The following ATP9B variants were observed in gnomAD, a reference collection of about 807,000 sequenced individuals.
ATP9B encodes the protein probable phospholipid-transporting ATPase IIB.
ATP9B carries 110 observed loss-of-function variants against 146.1 expected under a neutral mutation model. That is an observed-to-expected ratio of 0.75 (90% CI 0.65 to 0.88). The LOEUF is 0.88. Ranked by LOEUF, ATP9B falls within the 40% of genes least tolerant of loss-of-function variation. The probability of loss-of-function intolerance (pLI) is 0.00; values close to 1 mark genes in which losing one functional copy is unlikely to be tolerated. For synonymous variants in ATP9B, 604 were observed against 569.7 expected (o/e 1.06, Z -0.86); for missense variants, 1,499 against 1,496.4 (o/e 1.00, Z -0.03).
intron 26 of ATP9B, among the ~76,000 whole-genome samples, chr18:79,371,326 C>T (rs1017288635): frequency 3.0e-5 from 4 of 134,540 alleles, no homozygotes; most frequent in Admixed American, 8.2e-5. Context: ...GAGCCAAGAT[C>T]GTGCCATTGC....
At chr18:79,084,346 G>C (rs2073600317) in intron 1 of ATP9B, among the ~76,000 whole-genome samples, 1 of 151,888 alleles carries the variant, frequency 6.6e-6, no homozygotes, top group South Asian at 2.1e-4. Context: ...CATATCTATA[G>C]AGTTTTTTCA....
At chr18:79,162,467 A>G (rs979304768) in intron 7 of ATP9B, among the ~76,000 whole-genome samples, 1 of 152,222 alleles carries the variant, frequency 6.6e-6, no homozygotes, top group African/African-American at 2.4e-5. Context: ...CTTTAGAACT[A>G]ATTTTCATCA....
intron 1 of ATP9B, among the ~76,000 whole-genome samples, chr18:79,078,872 T>C (rs937754931): frequency 2.6e-5 from 4 of 152,218 alleles, no homozygotes; most frequent in African/African-American, 4.8e-5. Context: ...CCATGTGTTC[T>C]CATTGTTCAA....
At chr18:79,299,456 G>T (rs1568613134) in intron 13 of ATP9B, among the ~76,000 whole-genome samples, 1 of 152,122 alleles carries the variant, frequency 6.6e-6, no homozygotes, top group Non-Finnish European at 1.5e-5. Context: ...CAAGTCACAG[G>T]TCAGATGCCA....
intron 13 of ATP9B, among the ~76,000 whole-genome samples, chr18:79,278,717 G>A (rs938439637): frequency 6.6e-6 from 1 of 152,074 alleles, no homozygotes; most frequent in Non-Finnish European, 1.5e-5. Context: ...GGCCAAGAGA[G>A]CAATGTTTAT....
chr18:79,256,577 T>C (rs1042733039), intron 12 of ATP9B, among the ~76,000 whole-genome samples: 18 of 151,836 alleles, frequency 1.2e-4, no homozygotes, highest in African/African-American at 4.1e-4. Flanking sequence ...CCTATATTTC[T>C]ATTATTGTGG....
rs190849808 is a variant in ATP9B at position 79,119,782 on chromosome 18, A to G, written c.558+6428A>G. ...CTACCTTTCAGATAACAAATGATGA[A>G]TAGTATGCTTTCTCTGTTTATATGC... On this transcript the variant is annotated intron_variant, in intron 4 of 29. Transcript: ENST00000426216. 1.1e-3 allele frequency among the ~76,000 whole-genome samples: 160 copies of G among 152,316 alleles called. 1 individual carries two copies. Among genetic ancestry groups the G allele is most frequent in the African/African-American group, 3.8e-3 (160 of 41,574 alleles).
intron 7 of ATP9B, among the ~76,000 whole-genome samples, chr18:79,175,837 T>C (rs1312173357): frequency 2.6e-5 from 4 of 152,048 alleles, no homozygotes; most frequent in African/African-American, 4.8e-5. Flanking sequence ...CACACACATA[T>C]ACATGCACAC....
chr18:79,243,445 G>A (rs28474069), intron 11 of ATP9B, among the ~76,000 whole-genome samples: 1 of 152,154 alleles, frequency 6.6e-6, no homozygotes, highest in African/African-American at 2.4e-5. Flanking sequence ...TTACATAGTG[G>A]TAGGTGCCAG....
At chr18:79,231,173 G>A (rs1169097515) in intron 11 of ATP9B, among the ~76,000 whole-genome samples, 2 of 152,140 alleles carry the variant, frequency 1.3e-5, no homozygotes, top group African/African-American at 2.4e-5. Context: ...AAAAGCTTCT[G>A]CACAGCAAAA....
chr18:79,301,685 T>A (rs2096591706), intron 13 of ATP9B, among the ~76,000 whole-genome samples: 1 of 152,226 alleles, frequency 6.6e-6, no homozygotes, highest in African/African-American at 2.4e-5. Flanking sequence ...CACTTAGATT[T>A]ATGAAACTTG....
intron 13 of ATP9B, among the ~76,000 whole-genome samples, chr18:79,288,655 T>C (rs961295377): frequency 6.6e-6 from 1 of 152,218 alleles, no homozygotes; most frequent in Non-Finnish European, 1.5e-5. Context: ...GATCCTGTTA[T>C]TATGATGTTA....
At chr18:79,293,745 CTG>C (rs1438157385) in intron 13 of ATP9B, among the ~76,000 whole-genome samples, 1 of 152,132 alleles carries the variant, frequency 6.6e-6, no homozygotes, top group Non-Finnish European at 1.5e-5. Context: ...AATTAAGTAA[CTG>C]AATAAGACTT....
At chr18:79,328,567 G>T (rs1476121760) in intron 15 of ATP9B, among the ~76,000 whole-genome samples, 1 of 152,184 alleles carries the variant, frequency 6.6e-6, no homozygotes, top group South Asian at 2.1e-4. Flanking sequence ...GGCCACAGGA[G>T]TTCCGACTTT....
chr18:79,329,137 G>T lies in ATP9B; in HGVS notation c.1774-4G>T, dbSNP rs758830429. 6.3e-7 allele frequency: 1 copy of T among 1,579,452 alleles called. No homozygotes were observed. The highest frequency in any genetic ancestry group is 8.6e-7 in the Non-Finnish European group (1 of 1,162,630). Reference sequence around the variant, plus strand: ...TGGCCTCAGTTGTTGCTGGTCTCCCGTAGGTCGCTCTGGTGCAGTGGACAG... The same window carrying T: ...TGGCCTCAGTTGTTGCTGGTCTCCCTTAGGTCGCTCTGGTGCAGTGGACAG... On this transcript the variant is annotated splice_polypyrimidine_tract_variant and splice_region_variant and intron_variant, in intron 15 of 29. Transcript: ENST00000426216.
intron 16 of ATP9B, among the ~76,000 whole-genome samples, 195 bp from the exon 17 acceptor site, chr18:79,329,817 T>G (rs1448111740): frequency 6.6e-6 from 1 of 152,368 alleles, no homozygotes; most frequent in East Asian, 1.9e-4. Context: ...TGCACAATTA[T>G]GTTCTCAGTC....
At chr18:79,181,730 G>A (rs2095254418) in intron 8 of ATP9B, among the ~76,000 whole-genome samples, 1 of 151,960 alleles carries the variant, frequency 6.6e-6, no homozygotes, top group Admixed American at 6.6e-5. Context: ...TCTGAGTGTT[G>A]TAATCTCTGG....
chr18:79,121,064 C>T (rs1164845769), intron 4 of ATP9B, among the ~76,000 whole-genome samples: 1 of 152,164 alleles, frequency 6.6e-6, no homozygotes, highest in Non-Finnish European at 1.5e-5. Context: ...GGTAAAGATA[C>T]ATACTTTGTA....
intron 4 of ATP9B, among the ~76,000 whole-genome samples, chr18:79,114,725 C>G (rs2094035118): frequency 6.6e-6 from 1 of 152,050 alleles, no homozygotes; most frequent in South Asian, 2.1e-4. Flanking sequence ...GACATTGGAG[C>G]TGAGCATGGG....
Sources: gnomAD v4.1 joint callset for allele counts (sites outside exome capture counted in the v4.1 genomes callset) on GRCh38, gnomAD v4.1.1 for gene constraint, MANE v1.5 for transcripts, NCBI Gene and HGNC (gene_info 2026-07-23, HGNC 2026-07-21) for gene names.